The following PROS1 variants were observed in gnomAD, a reference collection of about 807,000 sequenced individuals.
The protein encoded by PROS1 is protein S, also known as vitamin K-dependent protein S.
Under a neutral mutation model 75.9 loss-of-function variants are expected in PROS1, and 29 were observed. The ratio of observed to expected loss-of-function variants is 0.38; its 90% CI spans 0.28 to 0.52. The LOEUF (loss-of-function observed/expected upper bound fraction) is 0.52. Ranked by LOEUF, PROS1 falls within the 20% of genes least tolerant of loss-of-function variation. PROS1 has a pLI of 0.83. For synonymous variants in PROS1, 245 were observed against 280.6 expected (o/e 0.87, Z 1.27); for missense variants, 680 against 810.3 (o/e 0.84, Z 1.95).
chr3:93,956,563 A>ACACACAAACACACAC (rs57080075), intron 1 of PROS1, among the ~76,000 whole-genome samples: 1 of 128,306 alleles, frequency 7.8e-6, no homozygotes, highest in Non-Finnish European at 1.7e-5. Flanking sequence ...CACACACACA[A>ACACACAAACACACAC]ACACACACAC....
chr3:93,957,926 A>G (rs1338650921), intron 1 of PROS1, among the ~76,000 whole-genome samples: 5 of 151,972 alleles, frequency 3.3e-5, no homozygotes, highest in Admixed American at 6.6e-5. Flanking sequence ...CTGTCTCTAA[A>G]AAAATACAGA....
intron 1 of PROS1, among the ~76,000 whole-genome samples, chr3:93,971,422 C>A (rs1202743317): frequency 6.6e-6 from 1 of 151,132 alleles, no homozygotes; most frequent in African/African-American, 2.4e-5. Context: ...AAGAACTACA[C>A]AATGAATTAC....
intron 3 of PROS1, among the ~76,000 whole-genome samples, chr3:93,912,849 C>G (rs1708780167): frequency 6.6e-6 from 1 of 152,130 alleles, no homozygotes; most frequent in Non-Finnish European, 1.5e-5. Context: ...CCATTAGGCC[C>G]CACCTCCCAA....
intron 11 of PROS1, 133 bp from the exon 12 acceptor site, chr3:93,885,029 A>C (rs1295817156): frequency 4.8e-6 from 4 of 840,902 alleles, no homozygotes; most frequent in African/African-American, 3.5e-5. Flanking sequence ...AATTTTATTT[A>C]AGTTTTTCTT....
intron 1 of PROS1, among the ~76,000 whole-genome samples, chr3:93,940,189 C>G (rs1576205604): frequency 6.6e-6 from 1 of 152,152 alleles, no homozygotes; most frequent in Non-Finnish European, 1.5e-5. Context: ...CCAACTCACC[C>G]ATCAGTCACT....
intron 10 of PROS1, among the ~76,000 whole-genome samples, chr3:93,889,787 T>A (rs753255531): frequency 6.6e-6 from 1 of 152,142 alleles, no homozygotes; most frequent in Non-Finnish European, 1.5e-5. Context: ...AGGATCTACA[T>A]CACCTCAGGA....
At chr3:93,899,707 A>G (rs1708557806) in intron 7 of PROS1, among the ~76,000 whole-genome samples, 1 of 152,190 alleles carries the variant, frequency 6.6e-6, no homozygotes, top group Non-Finnish European at 1.5e-5. Flanking sequence ...AATATATTGT[A>G]AAATTATTAT....
intron 7 of PROS1, among the ~76,000 whole-genome samples, chr3:93,898,833 C>T (rs1448346682): frequency 2.0e-5 from 3 of 151,692 alleles, no homozygotes; most frequent in Non-Finnish European, 4.4e-5. Flanking sequence ...AACAATTCTA[C>T]CAAATTTCTC....
chr3:93,942,336 T>C (rs1020571117), intron 1 of PROS1, among the ~76,000 whole-genome samples: 3 of 152,190 alleles, frequency 2.0e-5, no homozygotes, highest in Non-Finnish European at 2.9e-5. Flanking sequence ...CATGCTGTTA[T>C]ATGGGCAGAA....
chr3:93,953,624 C>T (rs985034919), intron 1 of PROS1, among the ~76,000 whole-genome samples: 5 of 152,150 alleles, frequency 3.3e-5, no homozygotes, highest in Admixed American at 2.0e-4. Flanking sequence ...CAGTATCATA[C>T]TGAATGGGCA....
At chr3:93,967,255 T>C (rs1484409037) in intron 1 of PROS1, among the ~76,000 whole-genome samples, 3 of 152,208 alleles carry the variant, frequency 2.0e-5, no homozygotes, top group Non-Finnish European at 4.4e-5. Context: ...GATTGTTGAT[T>C]AAGAAGGGCT....
chr3:93,958,276 G>T (rs965918557), intron 1 of PROS1, among the ~76,000 whole-genome samples: 2 of 151,796 alleles, frequency 1.3e-5, no homozygotes, highest in Non-Finnish European at 1.5e-5. Flanking sequence ...TTTTTTCATC[G>T]CAAAGGTTGT....
At chr3:93,928,760 A>T in intron 1 of PROS1, 2 of 1,294,370 alleles carry the variant, frequency 1.5e-6, no homozygotes, top group Non-Finnish European at 2.0e-6. Context: ...AAATGCATGC[A>T]CGGTTGTATA....
chr3:93,922,086 C>T (rs1708950562), intron 3 of PROS1, among the ~76,000 whole-genome samples: 1 of 152,200 alleles, frequency 6.6e-6, no homozygotes, highest in African/African-American at 2.4e-5. Flanking sequence ...TTCGCCTACC[C>T]AGGCATTTCT....
chr3:93,960,153 T>C (rs1709678999), intron 1 of PROS1, among the ~76,000 whole-genome samples: 1 of 151,758 alleles, frequency 6.6e-6, no homozygotes, highest in Non-Finnish European at 1.5e-5. Flanking sequence ...CTATTTGAAC[T>C]ATAAGCAGAA....
chr3:93,911,131 T>C (rs1374176141), intron 3 of PROS1: 3 of 204,890 alleles, frequency 1.5e-5, no homozygotes, highest in East Asian at 2.7e-4. Context: ...CTACTTGCTA[T>C]AGGCTACTTC....
At chr3:93,936,063 T>G (rs1343400031) in intron 1 of PROS1, among the ~76,000 whole-genome samples, 2 of 151,526 alleles carry the variant, frequency 1.3e-5, no homozygotes, top group Non-Finnish European at 2.9e-5. Context: ...TGGCAAGGTG[T>G]TATGGACTGA....
intron 8 of PROS1, among the ~76,000 whole-genome samples, chr3:93,896,994 C>T (rs1708510913): frequency 6.6e-6 from 1 of 152,092 alleles, no homozygotes; most frequent in Non-Finnish European, 1.5e-5. Context: ...ACTCTTTCTT[C>T]AAGAACCAAT....
chr3:93,936,143 T>C (rs1709179892), intron 1 of PROS1, among the ~76,000 whole-genome samples: 1 of 150,874 alleles, frequency 6.6e-6, no homozygotes, highest in Admixed American at 6.6e-5. Flanking sequence ...TAACACCCAG[T>C]GTGGCTATAT....
Sources: allele counts gnomAD v4.1 joint callset (sites outside exome capture counted in the v4.1 genomes callset), GRCh38; gene constraint gnomAD v4.1.1; transcripts MANE v1.5; gene names NCBI Gene and HGNC (gene_info 2026-07-23, HGNC 2026-07-21).